The following MORC1 variants were observed in gnomAD, a reference collection of about 807,000 sequenced individuals.
The protein encoded by MORC1 is MORC family CW-type zinc finger 1, also known as MORC family CW-type zinc finger protein 1.
A neutral mutation model predicts 134.9 loss-of-function variants in MORC1; 59 were observed. That is an observed-to-expected ratio of 0.44 (90% CI 0.35 to 0.54). MORC1 has a LOEUF of 0.54. MORC1 is among the 20% of genes least tolerant of loss of function. MORC1 has a pLI of 0.00. For missense variants in MORC1, 947 were observed against 1,134.5 expected (o/e 0.83, Z 2.37); for synonymous variants, 395 against 391.7 (o/e 1.01, Z -0.10).
chr3:109,020,582 C>T lies in MORC1; in HGVS notation c.1704+7169G>A, dbSNP rs1468231330. On this transcript the variant is annotated intron_variant, in intron 17 of 27. Transcript: ENST00000232603. ...GAGATCGAGACCATCCTGGCTAACA[C>T]GGTGAAACCCCGTCTCTACTAAAAA... is the stretch of plus-strand genomic sequence containing the variant. Among the ~76,000 whole-genome samples, 15 of 151,976 alleles carry T rather than the reference C, an allele frequency of 9.9e-5. No individual in the cohort carries two copies. In the East Asian group the frequency reaches 2.3e-3, roughly 24 times the overall value.
At chr3:108,969,976 A>G (rs2715746) in intron 25 of MORC1, among the ~76,000 whole-genome samples, 169 of 152,356 alleles carry the variant, frequency 1.1e-3, no homozygotes, top group African/African-American at 3.9e-3. Context: ...TGCAGATACA[A>G]AACTCAAGGT....
intron 2 of MORC1, among the ~76,000 whole-genome samples, chr3:109,113,644 C>T (rs1474682940): frequency 1.3e-5 from 2 of 151,592 alleles, no homozygotes; most frequent in South Asian, 4.2e-4. Flanking sequence ...ATATAAAACA[C>T]GTCAAATGCT....
rs554791284 is a variant in MORC1 at position 109,094,951 on chromosome 3, C to T, written c.541G>A (p.Ala181Thr). The T allele has an allele frequency of 1.3e-6, 2 of 1,587,354 alleles. No homozygotes were observed. Among genetic ancestry groups the T allele is most frequent in the South Asian group, 1.2e-5 (1 of 83,198 alleles). Residue 181 changes from alanine to threonine, a missense_variant, in exon 7 of 28, where the codon GCA becomes ACA. Transcript: ENST00000232603. The part of the protein sequence containing the change: ...IYKYSPFKTE[A>T]ELMQQFDVIY... Reference sequence around the variant, plus strand: ...ACATCAAACTGCTGCATCAATTCTGCTTCAGTTTTAAATGGGGAGTATTTA... The same window carrying T: ...ACATCAAACTGCTGCATCAATTCTGTTTCAGTTTTAAATGGGGAGTATTTA...
chr3:109,020,701 C>A (rs1559897894), intron 17 of MORC1, among the ~76,000 whole-genome samples: 2 of 147,378 alleles, frequency 1.4e-5, no homozygotes, highest in South Asian at 2.1e-4. Flanking sequence ...GGGGGCAGAG[C>A]TTGCAGTGAG....
At chr3:109,104,833 C>T (rs1362799539) in intron 3 of MORC1, among the ~76,000 whole-genome samples, 1 of 150,560 alleles carries the variant, frequency 6.6e-6, no homozygotes, top group Admixed American at 6.7e-5. Context: ...CAATAAACTG[C>T]ACATGTTTAA....
chr3:108,995,231 ACAG>A (rs1380386431), intron 21 of MORC1, among the ~76,000 whole-genome samples: 1 of 152,222 alleles, frequency 6.6e-6, no homozygotes, highest in Non-Finnish European at 1.5e-5. Context: ...TCTTGCAATA[ACAG>A]CAGAACTATA....
chr3:109,077,733 G>C (rs1426376047), intron 8 of MORC1, among the ~76,000 whole-genome samples: 4 of 151,462 alleles, frequency 2.6e-5, no homozygotes, highest in African/African-American at 9.7e-5. Context: ...AAAGAAGCAA[G>C]GCAAATACAA....
chr3:109,059,490 T>C (rs1950031730), intron 12 of MORC1, among the ~76,000 whole-genome samples: 1 of 152,160 alleles, frequency 6.6e-6, no homozygotes, highest in Non-Finnish European at 1.5e-5. Context: ...CAGCTGTTCC[T>C]CCGGGCAGTT....
intron 8 of MORC1, among the ~76,000 whole-genome samples, chr3:109,073,367 G>A (rs1448504995): frequency 2.6e-5 from 4 of 151,420 alleles, no homozygotes; most frequent in East Asian, 2.0e-4. Context: ...GTCTGGAAAC[G>A]TGAGGTTTTT....
At chr3:109,049,643 T>C (rs190758978) in intron 14 of MORC1, among the ~76,000 whole-genome samples, 6 of 152,252 alleles carry the variant, frequency 3.9e-5, no homozygotes, top group African/African-American at 1.4e-4. Context: ...CAAAACCACT[T>C]ACTGGAAAAA....
At chr3:109,112,561 G>A (rs1314871651) in intron 2 of MORC1, among the ~76,000 whole-genome samples, 3 of 152,122 alleles carry the variant, frequency 2.0e-5, no homozygotes, top group Admixed American at 6.5e-5. Context: ...GGCTGTCCAC[G>A]GGGGAAAACT....
At chr3:108,992,210 C>A (rs1948082694) in intron 21 of MORC1, among the ~76,000 whole-genome samples, 1 of 152,100 alleles carries the variant, frequency 6.6e-6, no homozygotes, top group Admixed American at 6.5e-5. Context: ...TTGTTATAAT[C>A]AAAATGTTCT....
intron 3 of MORC1, among the ~76,000 whole-genome samples, chr3:109,104,684 C>A (rs1400011116): frequency 6.6e-6 from 1 of 151,974 alleles, no homozygotes; most frequent in East Asian, 1.9e-4. Context: ...AAAGTTAAAG[C>A]TGTAACTAAA....
intron 21 of MORC1, among the ~76,000 whole-genome samples, chr3:108,998,653 T>C (rs185168069): frequency 1.3e-5 from 2 of 152,304 alleles, no homozygotes; most frequent in Admixed American, 1.3e-4. Context: ...TTTTAATTTC[T>C]AGGTTTAAGA....
At chr3:109,006,947 T>C (rs760745598) in intron 18 of MORC1, 82 bp downstream of exon 18, 8 of 1,095,582 alleles carry the variant, frequency 7.3e-6, no homozygotes, top group Non-Finnish European at 9.2e-6. Context: ...TAAACCATGA[T>C]GACAGTTGGC....
At chr3:109,073,722 A>T (rs1950366918) in intron 8 of MORC1, among the ~76,000 whole-genome samples, 1 of 152,156 alleles carries the variant, frequency 6.6e-6, no homozygotes, top group Non-Finnish European at 1.5e-5. Context: ...TTGTTTTCTA[A>T]ATTACTCAAG....
chr3:109,075,239 G>C (rs1950395816), intron 8 of MORC1, among the ~76,000 whole-genome samples: 1 of 152,252 alleles, frequency 6.6e-6, no homozygotes, highest in East Asian at 1.9e-4. Context: ...ACAGAATCAG[G>C]CTAGTAGACT....
intron 14 of MORC1, among the ~76,000 whole-genome samples, chr3:109,048,209 G>T (rs753988081): frequency 5.3e-5 from 8 of 152,104 alleles, no homozygotes; most frequent in Non-Finnish European, 1.2e-4. Context: ...GTGAGACAGC[G>T]ATAGAGAAAG....
intron 2 of MORC1, among the ~76,000 whole-genome samples, chr3:109,112,573 GA>G (rs1559960097): frequency 1.3e-5 from 2 of 152,280 alleles, no homozygotes; most frequent in South Asian, 4.1e-4. Flanking sequence ...GGGAAAACTG[GA>G]AATGAGGCAA....
Sources: allele counts gnomAD v4.1 joint callset (sites outside exome capture counted in the v4.1 genomes callset), GRCh38; gene constraint gnomAD v4.1.1; transcripts MANE v1.5; gene names NCBI Gene and HGNC (gene_info 2026-07-23, HGNC 2026-07-21).